Variants in PTPRD observed in about 807,000 individuals in gnomAD.
PTPRD encodes the protein protein tyrosine phosphatase receptor type D, also known as receptor-type tyrosine-protein phosphatase delta.
PTPRD carries 34 observed loss-of-function variants against 214.5 expected under a neutral mutation model. The ratio of observed to expected loss-of-function variants is 0.16; its 90% CI spans 0.12 to 0.21. PTPRD has a LOEUF of 0.21. Ranked by LOEUF, PTPRD falls within the 10% of genes least tolerant of loss-of-function variation. PTPRD has a pLI of 1.00. For synonymous variants in PTPRD, 1,128 were observed against 845.7 expected, an observed-to-expected ratio of 1.33 and a Z score of -5.79; for missense variants, 2,545 against 2,398.7, an observed-to-expected ratio of 1.06 and a Z score of -1.27.
At chr9:10,461,176 T>C (rs930447376) in intron 2 of PTPRD, among the ~76,000 whole-genome samples, 5 of 151,626 alleles carry the variant, frequency 3.3e-5, no homozygotes, top group African/African-American at 1.2e-4. Flanking sequence ...GGAAATACAA[T>C]TCAAAACTCT....
At chr9:8,321,643 A>G (rs999469809) in intron 44 of PTPRD, among the ~76,000 whole-genome samples, 1 of 151,246 alleles carries the variant, frequency 6.6e-6, no homozygotes, top group African/African-American at 2.4e-5. Context: ...TATACATATA[A>G]GGATGCCTAA....
intron 5 of PTPRD, among the ~76,000 whole-genome samples, chr9:9,915,600 A>G (rs2080507771): frequency 6.6e-6 from 1 of 151,784 alleles, no homozygotes; most frequent in African/African-American, 2.4e-5. Context: ...AAAAAATACT[A>G]TTGAGAACTT....
intron 5 of PTPRD, among the ~76,000 whole-genome samples, chr9:9,839,323 C>A (rs898017667): frequency 2.6e-5 from 4 of 152,112 alleles, no homozygotes; most frequent in Non-Finnish European, 4.4e-5. Flanking sequence ...AGCCCAAAAT[C>A]TCCTTAAGCT....
intron 3 of PTPRD, among the ~76,000 whole-genome samples, chr9:10,117,885 T>A (rs2098743759): frequency 6.6e-6 from 1 of 152,048 alleles, no homozygotes; most frequent in Admixed American, 6.6e-5. Flanking sequence ...TGGAATTACA[T>A]GCTTTATTTT....
At chr9:9,771,416 C>A (rs1362066800) in intron 5 of PTPRD, among the ~76,000 whole-genome samples, 1 of 151,982 alleles carries the variant, frequency 6.6e-6, no homozygotes, top group Non-Finnish European at 1.5e-5. Context: ...TCGATGTATC[C>A]ATCTTGTTAC....
chr9:8,608,136 C>G (rs1339971818), intron 14 of PTPRD, among the ~76,000 whole-genome samples: 1 of 147,428 alleles, frequency 6.8e-6, no homozygotes, highest in Non-Finnish European at 1.5e-5. Context: ...TTTTTTTAAT[C>G]TAGACTTCTG....
At chr9:10,143,365 C>T (rs1412126622) in intron 3 of PTPRD, among the ~76,000 whole-genome samples, 1 of 152,072 alleles carries the variant, frequency 6.6e-6, no homozygotes. Context: ...GAGATATCAT[C>T]TTACACCAGT....
rs568297828 is a variant in PTPRD at position 9,666,738 on chromosome 9, C to G, written c.-287+67795G>C. On this transcript the variant is annotated intron_variant, in intron 7 of 45. Coordinates refer to ENST00000381196, the MANE Select transcript of PTPRD (RefSeq NM_002839.4). ...TTGTTGCATCTAGTTTCTCATTCCC[C>G]TTCAATGAGTTCCACACATTCTAAA... Among the ~76,000 whole-genome samples the G allele has an allele frequency of 2.6e-5, 4 of 152,094 alleles. 1 individual carries two copies. In the South Asian group the frequency reaches 8.3e-4, roughly 32 times the overall value.
chr9:10,518,679 C>A (rs528759804), intron 2 of PTPRD, among the ~76,000 whole-genome samples: 1 of 151,876 alleles, frequency 6.6e-6, no homozygotes, highest in East Asian at 1.9e-4. Flanking sequence ...ACTACAGGCG[C>A]CCGCCACCAC....
chr9:9,009,556 A>G (rs1238577500), intron 11 of PTPRD, among the ~76,000 whole-genome samples: 1 of 152,100 alleles, frequency 6.6e-6, no homozygotes, highest in Non-Finnish European at 1.5e-5. Flanking sequence ...TGAAGATAAG[A>G]AGCAAGTTGG....
At chr9:9,700,540 T>C (rs578137711) in intron 7 of PTPRD, among the ~76,000 whole-genome samples, 2 of 152,064 alleles carry the variant, frequency 1.3e-5, no homozygotes, top group South Asian at 2.1e-4. Flanking sequence ...AATGAGATAA[T>C]TAGACAAACA....
intron 11 of PTPRD, among the ~76,000 whole-genome samples, chr9:8,734,204 A>G (rs888769607): frequency 2.6e-5 from 4 of 152,218 alleles, no homozygotes; most frequent in Non-Finnish European, 2.9e-5. Flanking sequence ...TCCTAAAGCC[A>G]ACCACCTTGA....
At chr9:10,400,890 T>A (rs1020636154) in intron 2 of PTPRD, among the ~76,000 whole-genome samples, 1 of 151,632 alleles carries the variant, frequency 6.6e-6, no homozygotes, top group Non-Finnish European at 1.5e-5. Flanking sequence ...TCAATGCTAT[T>A]TAACTATTTC....
chr9:8,888,059 G>T (rs1012601507), intron 11 of PTPRD, among the ~76,000 whole-genome samples: 3 of 152,194 alleles, frequency 2.0e-5, no homozygotes, highest in African/African-American at 7.2e-5. Context: ...TTAAAAGGAA[G>T]AATAATTACT....
intron 2 of PTPRD, among the ~76,000 whole-genome samples, chr9:10,420,007 T>C (rs1019222746): frequency 2.6e-5 from 4 of 151,814 alleles, no homozygotes; most frequent in African/African-American, 9.7e-5. Context: ...GAAAAAAATA[T>C]ATAAAATACT....
chr9:8,632,315 T>C (rs1270805130), intron 14 of PTPRD, among the ~76,000 whole-genome samples: 6 of 151,902 alleles, frequency 3.9e-5, no homozygotes, highest in Non-Finnish European at 7.4e-5. Context: ...TTATAAAAGA[T>C]ATAAAGTAAA....
intron 10 of PTPRD, among the ~76,000 whole-genome samples, chr9:9,176,061 C>T (rs1039896140): frequency 1.3e-5 from 2 of 152,258 alleles, no homozygotes; most frequent in African/African-American, 4.8e-5. Flanking sequence ...AATAATTCAG[C>T]AATCTCACAT....
chr9:10,401,617 A>G (rs1314732432), intron 2 of PTPRD, among the ~76,000 whole-genome samples: 2 of 148,338 alleles, frequency 1.3e-5, no homozygotes, highest in Middle Eastern at 3.6e-3. Flanking sequence ...ATATAACAGT[A>G]TATCTATAGT....
At chr9:9,933,039 T>C (rs572835101) in intron 5 of PTPRD, among the ~76,000 whole-genome samples, 381 of 151,666 alleles carry the variant, frequency 2.5e-3, no homozygotes, top group African/African-American at 8.8e-3. Flanking sequence ...AGAGATTTTG[T>C]CACCACCAGG....
Sources: gnomAD v4.1 joint callset for allele counts (sites outside exome capture counted in the v4.1 genomes callset) on GRCh38, gnomAD v4.1.1 for gene constraint, MANE v1.5 for transcripts, NCBI Gene and HGNC (gene_info 2026-07-23, HGNC 2026-07-21) for gene names.